BEST3: variants seen among roughly 807,000 people sequenced by gnomAD.
The protein encoded by BEST3 is bestrophin 3.
BEST3 carries 50 observed loss-of-function variants against 47.1 expected under a neutral mutation model. That is an observed-to-expected ratio of 1.06 (90% CI 0.85 to 1.34). The LOEUF is 1.34. BEST3 is among the 40% of genes most tolerant of loss of function. The pLI is 0.00. For synonymous variants in BEST3, 282 were observed against 298.8 expected, an observed-to-expected ratio of 0.94 and a Z score of 0.58; for missense variants, 765 against 817.0, an observed-to-expected ratio of 0.94 and a Z score of 0.78.
exon 10 of BEST3, chr12:69,643,573 G>A: frequency 1.9e-6 from 1 of 533,256 alleles, no homozygotes; most frequent in Non-Finnish European, 3.4e-6. Flanking sequence ...GCATTTCTTA[G>A]GAACTCCACA....
intron 9 of BEST3, among the ~76,000 whole-genome samples, chr12:69,661,757 C>T (rs891092840): frequency 1.3e-4 from 20 of 152,240 alleles, no homozygotes; most frequent in African/African-American, 4.1e-4. Context: ...TGGACAGTTC[C>T]AAGCTCCAGA....
chr12:69,645,922 A>G (rs1408396601), intron 9 of BEST3, among the ~76,000 whole-genome samples: 1 of 152,076 alleles, frequency 6.6e-6, no homozygotes, highest in Non-Finnish European at 1.5e-5. Context: ...TGTTACTGGT[A>G]CCAGCATTTG....
At chr12:69,673,115 T>C in intron 7 of BEST3, 150 bp from the exon 8 acceptor site, 1 of 616,368 alleles carries the variant, frequency 1.6e-6, no homozygotes, top group Non-Finnish European at 2.8e-6. Context: ...CCGAGATATT[T>C]ATTAGCGAGC....
intron 4 of BEST3, among the ~76,000 whole-genome samples, chr12:69,687,838 GTGCT>G (rs1885720641): frequency 6.6e-6 from 1 of 152,122 alleles, no homozygotes; most frequent in Admixed American, 6.6e-5. Flanking sequence ...AAATATATTT[GTGCT>G]TGTTTATGAC....
At chr12:69,675,007 C>T (rs1380569913) in intron 7 of BEST3, among the ~76,000 whole-genome samples, 3 of 151,360 alleles carry the variant, frequency 2.0e-5, no homozygotes, top group African/African-American at 7.3e-5. Context: ...AAGTGATTCT[C>T]CTGCCTCAGC....
intron 7 of BEST3, among the ~76,000 whole-genome samples, chr12:69,676,449 T>G (rs1884927369): frequency 6.6e-6 from 1 of 151,580 alleles, no homozygotes; most frequent in South Asian, 2.1e-4. Context: ...TGGGGTACAC[T>G]TAATGTTGTG....
chr12:69,696,216 A>T (rs1390474134), intron 2 of BEST3, among the ~76,000 whole-genome samples: 1 of 152,172 alleles, frequency 6.6e-6, no homozygotes, highest in Non-Finnish European at 1.5e-5. Flanking sequence ...TTTAAGGATG[A>T]CTTGAACTGA....
intron 5 of BEST3, among the ~76,000 whole-genome samples, chr12:69,678,018 C>T (rs1885023435): frequency 6.6e-6 from 1 of 152,142 alleles, no homozygotes; most frequent in Non-Finnish European, 1.5e-5. Flanking sequence ...TTTCCTCCCA[C>T]AAATGGAGAC....
At chr12:69,686,770 T>TCAAAAAAACAAAAAAA (rs1175449938) in intron 4 of BEST3, among the ~76,000 whole-genome samples, 2 of 3,506 alleles carry the variant, frequency 5.7e-4, no homozygotes, top group Non-Finnish European at 2.0e-3. Context: ...AGATTCTGCC[T>TCAAAAAAACAAAAAAA]CAAAAAAACA....
chr12:69,645,153 ATT>A (rs1312655615), intron 9 of BEST3, among the ~76,000 whole-genome samples: 1 of 152,120 alleles, frequency 6.6e-6, no homozygotes, highest in Non-Finnish European at 1.5e-5. Flanking sequence ...TACAGCACAA[ATT>A]TTGCTCTAGT....
intron 2 of BEST3, among the ~76,000 whole-genome samples, chr12:69,697,131 T>A (rs1164609196): frequency 1.3e-5 from 2 of 152,130 alleles, no homozygotes; most frequent in Non-Finnish European, 2.9e-5. Flanking sequence ...GGCCTTTGCT[T>A]TAGTTGAGGT....
intron 9 of BEST3, among the ~76,000 whole-genome samples, chr12:69,645,249 A>T (rs1031727460): frequency 6.6e-6 from 1 of 152,220 alleles, no homozygotes; most frequent in African/African-American, 2.4e-5. Context: ...CTGATGAGTA[A>T]GGTTTTGGAA....
At chr12:69,665,449 T>G (rs1248194943) in intron 9 of BEST3, among the ~76,000 whole-genome samples, 1 of 151,968 alleles carries the variant, frequency 6.6e-6, no homozygotes, top group East Asian at 1.9e-4. Flanking sequence ...AAAAATTAGC[T>G]GGGTGTGGTG....
intron 4 of BEST3, chr12:69,689,378 G>A: frequency 1.6e-5 from 7 of 436,722 alleles, no homozygotes; most frequent in Non-Finnish European, 2.1e-5. Flanking sequence ...GTCTCTCCTG[G>A]CTTAGAGGAT....
At chr12:69,659,164 TA>T (rs1883714320) in intron 9 of BEST3, among the ~76,000 whole-genome samples, 2 of 152,118 alleles carry the variant, frequency 1.3e-5, no homozygotes, top group Admixed American at 1.3e-4. Context: ...CTCCAGGTCT[TA>T]ATGCTGTAAC....
intron 9 of BEST3, among the ~76,000 whole-genome samples, chr12:69,645,612 A>G (rs1269125266): frequency 6.6e-6 from 1 of 152,226 alleles, no homozygotes; most frequent in African/African-American, 2.4e-5. Context: ...AGAATCAGCA[A>G]TGAGCCTAGG....
intron 9 of BEST3, among the ~76,000 whole-genome samples, chr12:69,666,449 G>A (rs1440779208): frequency 3.9e-5 from 6 of 152,178 alleles, no homozygotes; most frequent in African/African-American, 7.2e-5. Flanking sequence ...TTAAGCCTCT[G>A]ATGACCCTAA....
intron 9 of BEST3, among the ~76,000 whole-genome samples, chr12:69,646,010 C>A (rs1162045872): frequency 6.6e-6 from 1 of 152,180 alleles, no homozygotes; most frequent in Non-Finnish European, 1.5e-5. Context: ...GATCTCGGCT[C>A]ACTGCAACCT....
In BEST3 at chr12:69,656,508, C is replaced by T. The variant is rs188946958; in HGVS notation, c.1101-695G>A. Among the ~76,000 whole-genome samples, 359 of 152,010 alleles carry T rather than the reference C, an allele frequency of 2.4e-3. 2 individuals are homozygous for T. The highest frequency in any genetic ancestry group is 8.3e-3 in the African/African-American group (344 of 41,454). ...AATGGATCATAGGTAAATTCACGAG[C>T]GTGCGATGCCCAGCTCACATTTATT... On this transcript the variant is annotated intron_variant, in intron 9 of 9. Coordinates refer to ENST00000330891, the MANE Select transcript of BEST3 (RefSeq NM_032735.3).
Sources: gnomAD v4.1 joint callset for allele counts (sites outside exome capture counted in the v4.1 genomes callset) on GRCh38, gnomAD v4.1.1 for gene constraint, MANE v1.5 for transcripts, NCBI Gene and HGNC (gene_info 2026-07-23, HGNC 2026-07-21) for gene names.